FBXO34: variants seen among roughly 807,000 people sequenced by gnomAD.
The protein encoded by FBXO34 is F-box protein 34.
In FBXO34, 12 loss-of-function variants were observed where a neutral mutation model predicts 24.5. The observed-to-expected ratio is 0.49, with a 90% CI of 0.31 to 0.79. FBXO34 has a LOEUF of 0.79. Ranked by LOEUF, FBXO34 falls within the 30% of genes least tolerant of loss-of-function variation. The pLI is 0.04. For synonymous variants in FBXO34, 320 were observed against 311.9 expected, an observed-to-expected ratio of 1.03 and a Z score of -0.27; for missense variants, 823 against 857.7, an observed-to-expected ratio of 0.96 and a Z score of 0.51.
In FBXO34 at chr14:55,352,550, G is replaced by T. The variant is rs1277065247; in HGVS notation, c.*24G>T. On this transcript the variant is annotated 3_prime_UTR_variant, in exon 2 of 2. Transcript: ENST00000313833. ...AAAGTCCATGTGAGAGGCAACAAAA[G>T]GACCGGTTTCTAAAGCTGCAAAACA... is the stretch of plus-strand genomic sequence containing the variant. 1 of 1,559,016 alleles carries T rather than the reference G, an allele frequency of 6.4e-7. No individual in the cohort carries two copies. The highest frequency in any genetic ancestry group is 8.7e-7 in the Non-Finnish European group (1 of 1,154,200).
At chr14:55,275,650 TA>T (rs772731752) in intron 1 of FBXO34, among the ~76,000 whole-genome samples, 2,361 of 133,736 alleles carry the variant, frequency 0.018, 45 homozygotes, top group African/African-American at 0.047. Context: ...CCATCTCTAC[TA>T]AAAAAAAAAA....
the FBXO34 span, among the ~76,000 whole-genome samples, chr14:55,394,519 T>TTGTG: frequency 6.6e-6 from 1 of 152,216 alleles, no homozygotes. Flanking sequence ...CACACATTGA[T>TTGTG]AAGCTGTTAC....
At chr14:55,411,888 A>T in the FBXO34 span, 1 of 1,426,170 alleles carries the variant, frequency 7.0e-7, no homozygotes, top group South Asian at 1.3e-5. Context: ...CTGGGCCAGG[A>T]GGAGGGGCCT....
the FBXO34 span, among the ~76,000 whole-genome samples, chr14:55,441,561 T>A: frequency 1.3e-5 from 2 of 152,182 alleles, no homozygotes; most frequent in Non-Finnish European, 2.9e-5. Flanking sequence ...AAATCCCACG[T>A]GGTTTTTCTC....
intron 1 of FBXO34, among the ~76,000 whole-genome samples, chr14:55,311,365 G>A (rs1389488697): frequency 6.6e-6 from 1 of 152,168 alleles, no homozygotes; most frequent in Non-Finnish European, 1.5e-5. Context: ...TTCAAGATAA[G>A]AGTTGGGTGG....
intron 1 of FBXO34, among the ~76,000 whole-genome samples, chr14:55,331,667 G>A (rs1594755728): frequency 1.8e-5 from 1 of 54,084 alleles, no homozygotes; most frequent in Non-Finnish European, 3.5e-5. Context: ...CCAACATGGT[G>A]TGTGTATATA....
At chr14:55,271,657 G>C (rs1881147723) in intron 1 of FBXO34, 120 bp downstream of exon 1, 1 of 148,810 alleles carries the variant, frequency 6.7e-6, no homozygotes, top group Non-Finnish European at 1.5e-5. Flanking sequence ...GGCGCGGGGC[G>C]GGTGGGGGTG....
chr14:55,428,014 T>C, the FBXO34 span, among the ~76,000 whole-genome samples: 2 of 136,930 alleles, frequency 1.5e-5, no homozygotes, highest in East Asian at 2.1e-4. Context: ...ATTGCTTTCA[T>C]AGAACGTGCT....
At chr14:55,385,941 G>C in the FBXO34 span, 1 of 1,614,126 alleles carries the variant, frequency 6.2e-7, no homozygotes. Flanking sequence ...TTTGCCAGAC[G>C]CTCATAATGA....
intron 1 of FBXO34, among the ~76,000 whole-genome samples, chr14:55,337,758 T>A (rs1381161972): frequency 6.6e-6 from 1 of 152,296 alleles, no homozygotes; most frequent in Non-Finnish European, 1.5e-5. Flanking sequence ...GGTGTCAAAC[T>A]TGAGGCATCC....
At chr14:55,271,735 C>G (rs1047681751) in intron 1 of FBXO34, 198 bp downstream of exon 1, 2 of 151,614 alleles carry the variant, frequency 1.3e-5, no homozygotes, top group Non-Finnish European at 2.9e-5. Context: ...CGGTGCGGCT[C>G]TTTCCGCGCG....
At chr14:55,369,507 T>C, downstream of FBXO34, 1 of 1,100,716 alleles carries the variant, frequency 9.1e-7, no homozygotes, top group Non-Finnish European at 1.3e-6. Context: ...AAAACAACAC[T>C]TTAACCTCTT....
At chr14:55,373,046 TC>T (rs1440780826), downstream of FBXO34, among the ~76,000 whole-genome samples, 1 of 152,030 alleles carries the variant, frequency 6.6e-6, no homozygotes, top group Non-Finnish European at 1.5e-5. Context: ...CCAGTGCCTC[TC>T]CCACTTCTAG....
the FBXO34 span, chr14:55,433,607 G>C: frequency 1.9e-6 from 3 of 1,589,698 alleles, no homozygotes; most frequent in Non-Finnish European, 2.6e-6. Context: ...CTCTGGTAGG[G>C]GTGGAGGGAT....
chr14:55,387,527 A>G, the FBXO34 span, among the ~76,000 whole-genome samples: 1 of 152,114 alleles, frequency 6.6e-6, no homozygotes, highest in South Asian at 2.1e-4. Flanking sequence ...GGTTCCTCAG[A>G]TGAGGTCCCA....
At chr14:55,437,223 TCC>T in the FBXO34 span, among the ~76,000 whole-genome samples, 1 of 152,276 alleles carries the variant, frequency 6.6e-6, no homozygotes, top group Admixed American at 6.5e-5. Context: ...ACGCCTGTAA[TCC>T]CAGCACTTTG....
chr14:55,297,274 T>A (rs1882170690), intron 1 of FBXO34, among the ~76,000 whole-genome samples: 1 of 152,210 alleles, frequency 6.6e-6, no homozygotes, highest in African/African-American at 2.4e-5. Flanking sequence ...TCTACCCAAG[T>A]AATTTCTTTT....
chr14:55,352,740 G>A lies in FBXO34; in HGVS notation c.*214G>A, dbSNP rs772722852. 4.5e-5 allele frequency: 23 copies of A among 509,522 alleles called. No individual in the cohort carries two copies. The highest frequency in any genetic ancestry group is 6.3e-5 in the Non-Finnish European group (18 of 284,084). The allele number at this position is 509,522 out of a possible 1,614,324, so 31.6% of individuals were successfully genotyped here. On this transcript the variant is annotated 3_prime_UTR_variant, in exon 2 of 2. Transcript: ENST00000313833. ...ATAGTGGCATCTCATGTTTGAACCC[G>A]GGTGGTATCCCACAGTTGGATTCAG...
At chr14:55,296,319 C>T (rs1346526674) in intron 1 of FBXO34, among the ~76,000 whole-genome samples, 1 of 146,328 alleles carries the variant, frequency 6.8e-6, no homozygotes, top group African/African-American at 2.5e-5. Context: ...TATAGCTGGA[C>T]AGGAAGTATA....
Sources: gnomAD v4.1 joint callset for allele counts (sites outside exome capture counted in the v4.1 genomes callset) on GRCh38, gnomAD v4.1.1 for gene constraint, MANE v1.5 for transcripts, NCBI Gene and HGNC (gene_info 2026-07-23, HGNC 2026-07-21) for gene names.